The following GRIA1 variants were observed in gnomAD, a reference collection of about 807,000 sequenced individuals.
GRIA1 encodes the protein glutamate receptor 1.
GRIA1 carries 31 observed loss-of-function variants against 99.2 expected under a neutral mutation model. That is an observed-to-expected ratio of 0.31 (90% CI 0.23 to 0.42). The LOEUF (loss-of-function observed/expected upper bound fraction) is 0.42. Among genes scored for constraint, GRIA1 ranks in the 10% least tolerant of loss-of-function variants. GRIA1 has a pLI of 1.00. For synonymous variants in GRIA1, 438 were observed against 432.4 expected, an observed-to-expected ratio of 1.01 and a Z score of -0.16; for missense variants, 782 against 1,157.5, an observed-to-expected ratio of 0.68 and a Z score of 4.71.
At chr5:153,655,949 C>G in intron 5 of GRIA1, 77 bp downstream of exon 5, 1 of 1,217,968 alleles carries the variant, frequency 8.2e-7, no homozygotes, top group South Asian at 1.2e-5. Context: ...TTGTCCCTGG[C>G]TGATGTGAAC....
intron 3 of GRIA1, among the ~76,000 whole-genome samples, chr5:153,647,778 T>G (rs181912810): frequency 1.3e-3 from 197 of 152,340 alleles, no homozygotes; most frequent in African/African-American, 4.6e-3. Context: ...CCTTTGAATT[T>G]AACATCACAT....
At chr5:153,743,946 C>T (rs188513283) in intron 11 of GRIA1, among the ~76,000 whole-genome samples, 2 of 152,248 alleles carry the variant, frequency 1.3e-5, no homozygotes, top group East Asian at 3.9e-4. Flanking sequence ...GAGCTGGACA[C>T]AGGGCCCAGG....
At chr5:153,746,301 G>A (rs905102909) in intron 11 of GRIA1, among the ~76,000 whole-genome samples, 1 of 152,078 alleles carries the variant, frequency 6.6e-6, no homozygotes, top group Non-Finnish European at 1.5e-5. Context: ...GAGTGTGCAG[G>A]GAACTGAGTA....
intron 2 of GRIA1, among the ~76,000 whole-genome samples, chr5:153,543,607 G>A (rs992446064): frequency 5.3e-5 from 8 of 152,270 alleles, no homozygotes; most frequent in African/African-American, 1.9e-4. Context: ...AAGAGAAGGA[G>A]TGAGGGAGGG....
At chr5:153,697,325 C>A (rs553274685) in intron 8 of GRIA1, among the ~76,000 whole-genome samples, 1 of 152,320 alleles carries the variant, frequency 6.6e-6, no homozygotes, top group South Asian at 2.1e-4. Flanking sequence ...TCTCGTCAAC[C>A]CTGCCTGACA....
chr5:153,568,131 T>A (rs1462558664), intron 2 of GRIA1, among the ~76,000 whole-genome samples: 1 of 152,230 alleles, frequency 6.6e-6, no homozygotes, highest in Admixed American at 6.5e-5. Context: ...GGTCTTTCTA[T>A]TAAACACGGG....
At chr5:153,724,160 C>T (rs1362203803) in intron 11 of GRIA1, among the ~76,000 whole-genome samples, 1 of 152,166 alleles carries the variant, frequency 6.6e-6, no homozygotes, top group Non-Finnish European at 1.5e-5. Flanking sequence ...CTCTAGCAAA[C>T]TCCAACAGAC....
At chr5:153,548,058 A>G (rs1213899976) in intron 2 of GRIA1, among the ~76,000 whole-genome samples, 1 of 152,212 alleles carries the variant, frequency 6.6e-6, no homozygotes, top group Non-Finnish European at 1.5e-5. Context: ...TTGAAATATA[A>G]TATACATCAC....
chr5:153,768,190 A>T (rs1763644069), intron 12 of GRIA1, among the ~76,000 whole-genome samples: 1 of 152,168 alleles, frequency 6.6e-6, no homozygotes, highest in African/African-American at 2.4e-5. Context: ...AGACCTTATG[A>T]TTAGTTCTGG....
intron 2 of GRIA1, among the ~76,000 whole-genome samples, chr5:153,593,880 T>C (rs945411083): frequency 3.3e-5 from 5 of 152,226 alleles, no homozygotes; most frequent in Admixed American, 1.3e-4. Context: ...TTTGGCAGAA[T>C]GCATTTTCCC....
In GRIA1 at chr5:153,699,344, T is replaced by C. The variant is rs538095553; in HGVS notation, c.1452+271T>C. On this transcript the variant is annotated intron_variant, in intron 10 of 15. Coordinates refer to ENST00000285900, the MANE Select transcript of GRIA1 (RefSeq NM_000827.4). ...GTGACAGCATAGCTCCAAGATCAATTTTCTTGAGGCAGACTGCTGAGTTGT... is the reference window on the plus strand; with the variant it reads ...GTGACAGCATAGCTCCAAGATCAATCTTCTTGAGGCAGACTGCTGAGTTGT... 2.6e-5 allele frequency among the ~76,000 whole-genome samples: 4 copies of C among 152,326 alleles called. No individual in the cohort carries two copies. The East Asian group carries it at 7.7e-4, about 29-fold the overall frequency.
chr5:153,678,096 A>C (rs1395232810), intron 7 of GRIA1, among the ~76,000 whole-genome samples: 1 of 152,160 alleles, frequency 6.6e-6, no homozygotes, highest in Non-Finnish European at 1.5e-5. Flanking sequence ...GTCCCTCAGG[A>C]CCCACCCTCC....
intron 2 of GRIA1, among the ~76,000 whole-genome samples, chr5:153,521,991 GCCCA>G (rs1757191589): frequency 6.6e-6 from 1 of 152,058 alleles, no homozygotes; most frequent in Admixed American, 6.6e-5. Flanking sequence ...TACTTTTTAG[GCCCA>G]CCCTTCAAAA....
At chr5:153,523,150 A>AAGG (rs1203845013) in intron 2 of GRIA1, among the ~76,000 whole-genome samples, 1 of 151,928 alleles carries the variant, frequency 6.6e-6, no homozygotes, top group Non-Finnish European at 1.5e-5. Flanking sequence ...TCAGAGTCCT[A>AAGG]AGCAAGATAT....
At chr5:153,678,799 C>G (rs970025049) in intron 7 of GRIA1, among the ~76,000 whole-genome samples, 1 of 152,180 alleles carries the variant, frequency 6.6e-6, no homozygotes, top group Non-Finnish European at 1.5e-5. Flanking sequence ...AGGAAGGACT[C>G]TGTACTGGGA....
At chr5:153,677,856 C>A (rs1756701038) in intron 7 of GRIA1, among the ~76,000 whole-genome samples, 1 of 152,176 alleles carries the variant, frequency 6.6e-6, no homozygotes, top group South Asian at 2.1e-4. Context: ...TGGGGACTTG[C>A]CCTCAGCTTT....
chr5:153,699,116 G>A (rs745627478), intron 10 of GRIA1, 43 bp downstream of exon 10: 1 of 1,379,458 alleles, frequency 7.2e-7, no homozygotes, highest in Non-Finnish European at 1.0e-6. Context: ...CGGAGGCAGA[G>A]GGTTTGACAG....
chr5:153,621,098 T>TG (rs1444352548), intron 2 of GRIA1, among the ~76,000 whole-genome samples: 1 of 152,208 alleles, frequency 6.6e-6, no homozygotes, highest in Non-Finnish European at 1.5e-5. Flanking sequence ...TATTAATACA[T>TG]GCAACCTGAA....
intron 2 of GRIA1, among the ~76,000 whole-genome samples, chr5:153,640,774 C>G (rs1321446843): frequency 6.6e-6 from 1 of 151,968 alleles, no homozygotes; most frequent in African/African-American, 2.4e-5. Context: ...ATTGTGGTAC[C>G]CCAATTTTCT....
Sources: gnomAD v4.1 joint callset for allele counts (sites outside exome capture counted in the v4.1 genomes callset) on GRCh38, gnomAD v4.1.1 for gene constraint, MANE v1.5 for transcripts, NCBI Gene and HGNC (gene_info 2026-07-23, HGNC 2026-07-21) for gene names.